The following PATJ variants were observed in gnomAD, a reference collection of about 807,000 sequenced individuals.
PATJ encodes the protein inaD-like protein.
Under a neutral mutation model 224.9 loss-of-function variants are expected in PATJ, and 190 were observed. The observed-to-expected ratio is 0.84, with a 90% CI of 0.75 to 0.95. PATJ has a LOEUF of 0.95. Among genes scored for constraint, PATJ ranks in the 40% least tolerant of loss-of-function variants. The pLI, the probability that PATJ is intolerant of heterozygous loss-of-function variation, is 0.00. For missense variants in PATJ, 2,121 were observed against 2,270.3 expected, an observed-to-expected ratio of 0.93 and a Z score of 1.34; for synonymous variants, 769 against 820.3, an observed-to-expected ratio of 0.94 and a Z score of 1.07.
At position 61,947,499 on chromosome 1, in the gene PATJ, A is replaced by G. The variant is rs2482873; in HGVS notation, c.3670+19670A>G. Among the ~76,000 whole-genome samples the G allele has an allele frequency of 4.5e-3, 682 of 152,272 alleles. 3 individuals carry two copies. Among genetic ancestry groups the G allele is most frequent in the African/African-American group, 0.016 (651 of 41,546 alleles). On this transcript the variant is annotated intron_variant, in intron 27 of 43. Coordinates refer to ENST00000642238, the MANE Select transcript of PATJ (RefSeq NM_001350145.3). ...AGAGAATAAAATACCTAGGAATCCA[A>G]CTTACAAGGGATGTGAAGGACCTCT...
At chr1:62,085,823 T>TA (rs781768840) in intron 33 of PATJ, among the ~76,000 whole-genome samples, 10,828 of 118,544 alleles carry the variant, frequency 0.091, 888 homozygotes, top group African/African-American at 0.22. Flanking sequence ...TGTCTCTGTT[T>TA]AAAAAAAAAA....
intron 43 of PATJ, among the ~76,000 whole-genome samples, chr1:62,159,236 A>C (rs1168835301): frequency 6.6e-6 from 1 of 152,134 alleles, no homozygotes; most frequent in Non-Finnish European, 1.5e-5. Flanking sequence ...CTTTTTGCCC[A>C]GGCTGAGTGC....
intron 33 of PATJ, chr1:62,100,511 T>C (rs1662020082): frequency 1.3e-5 from 8 of 636,732 alleles, no homozygotes; most frequent in Middle Eastern, 5.1e-4. Flanking sequence ...GAGCCCTCAT[T>C]ACCCAATCAC....
intron 27 of PATJ, among the ~76,000 whole-genome samples, chr1:61,961,143 A>G (rs1248134917): frequency 2.0e-5 from 3 of 152,234 alleles, no homozygotes; most frequent in East Asian, 3.8e-4. Flanking sequence ...AACGATGCCA[A>G]CAGGGAGGCA....
chr1:62,128,201 G>C, intron 40 of PATJ, 107 bp downstream of exon 40: 4 of 1,315,760 alleles, frequency 3.0e-6, no homozygotes, highest in Non-Finnish European at 4.3e-6. Context: ...AGCCATCAGA[G>C]ACCCAGGCTG....
At chr1:62,126,638 T>C (rs1471408091) in intron 39 of PATJ, among the ~76,000 whole-genome samples, 1 of 152,274 alleles carries the variant, frequency 6.6e-6, no homozygotes, top group Non-Finnish European at 1.5e-5. Context: ...ATTTTATGTC[T>C]GTCTTCAAAC....
intron 18 of PATJ, among the ~76,000 whole-genome samples, chr1:61,860,245 G>T (rs1297334518): frequency 6.6e-6 from 1 of 151,808 alleles, no homozygotes; most frequent in Admixed American, 6.6e-5. Flanking sequence ...CATAAAAATA[G>T]AGATGGGGTC....
intron 1 of PATJ, among the ~76,000 whole-genome samples, chr1:61,757,491 G>GCCTA (rs1557588132): frequency 6.6e-6 from 1 of 151,922 alleles, no homozygotes; most frequent in Non-Finnish European, 1.5e-5. Flanking sequence ...GCCCAGGTGA[G>GCCTA]CCTACCACTT....
chr1:61,899,869 C>T (rs1422884886), intron 23 of PATJ, among the ~76,000 whole-genome samples: 1 of 152,184 alleles, frequency 6.6e-6, no homozygotes, highest in Non-Finnish European at 1.5e-5. Context: ...ATCTTTGATA[C>T]TCTTTCAGAG....
intron 27 of PATJ, among the ~76,000 whole-genome samples, chr1:61,983,621 G>C (rs180850162): frequency 2.0e-5 from 3 of 152,148 alleles, no homozygotes; most frequent in Non-Finnish European, 4.4e-5. Context: ...GTGTGTCCTA[G>C]CAATTGAAGA....
At chr1:61,889,563 G>C (rs923526495) in intron 22 of PATJ, among the ~76,000 whole-genome samples, 1 of 152,144 alleles carries the variant, frequency 6.6e-6, no homozygotes, top group Non-Finnish European at 1.5e-5. Context: ...TATAAATTAC[G>C]TACAGTAAGA....
At chr1:61,977,553 C>T (rs1644206564) in intron 27 of PATJ, among the ~76,000 whole-genome samples, 1 of 151,878 alleles carries the variant, frequency 6.6e-6, no homozygotes, top group South Asian at 2.1e-4. Flanking sequence ...CAATGATATT[C>T]CAATTTAGGT....
chr1:62,083,098 C>G (rs925546309), intron 32 of PATJ, among the ~76,000 whole-genome samples: 5 of 152,150 alleles, frequency 3.3e-5, no homozygotes, highest in African/African-American at 1.2e-4. Flanking sequence ...TGAAACTATT[C>G]AACATTTTGA....
intron 16 of PATJ, among the ~76,000 whole-genome samples, chr1:61,828,510 C>T (rs1346887083): frequency 6.6e-6 from 1 of 151,816 alleles, no homozygotes; most frequent in Non-Finnish European, 1.5e-5. Flanking sequence ...CCGCCTCAGC[C>T]TCCCAAGTAG....
In PATJ at chr1:62,116,672, T is replaced by C; in HGVS notation, c.4796T>C (p.Ile1599Thr). The stretch of plus-strand genomic sequence containing the variant: ...GCCTCACAGGAGACAGTGGCCACCA[T>C]CCTCAAGGTGAGTTGCTAGGCTGCT... ...RNASQETVATILKCAQGLVQL... is the reference protein window; with the variant it reads ...RNASQETVATTLKCAQGLVQL... Residue 1599 changes from isoleucine (I) to threonine (T), a missense_variant, in exon 36 of 44, where the codon ATC becomes ACC. Physicochemically the swap from Ile to Thr is moderately conservative, Grantham distance 89. Transcript: ENST00000642238. 1 of 1,607,942 alleles carries C rather than the reference T, an allele frequency of 6.2e-7. No individual in the cohort carries two copies.
chr1:62,060,760 T>C (rs1655287389), intron 31 of PATJ, among the ~76,000 whole-genome samples: 1 of 152,186 alleles, frequency 6.6e-6, no homozygotes, highest in Non-Finnish European at 1.5e-5. Context: ...TACAGCAGCC[T>C]CGATCTCCTG....
At chr1:62,036,964 G>T (rs1459641207) in intron 29 of PATJ, among the ~76,000 whole-genome samples, 1 of 151,898 alleles carries the variant, frequency 6.6e-6, no homozygotes, top group Admixed American at 6.6e-5. Flanking sequence ...TCAAGAAAAG[G>T]CAGTGACATG....
chr1:61,901,495 A>C (rs772794357), intron 24 of PATJ, 36 bp downstream of exon 24: 1 of 1,411,218 alleles, frequency 7.1e-7, no homozygotes, highest in African/African-American at 1.5e-5. Context: ...TATTGGAAAC[A>C]TACGGTAAGA....
chr1:62,079,622 G>A (rs1658925611), intron 32 of PATJ, 55 bp downstream of exon 32: 2 of 1,132,656 alleles, frequency 1.8e-6, no homozygotes, highest in East Asian at 4.7e-5. Flanking sequence ...GAAGGCAAGG[G>A]ATCATAATGT....
Sources: allele counts gnomAD v4.1 joint callset (sites outside exome capture counted in the v4.1 genomes callset), GRCh38; gene constraint gnomAD v4.1.1; transcripts MANE v1.5; gene names NCBI Gene and HGNC (gene_info 2026-07-23, HGNC 2026-07-21).